The following USP45 variants were observed in gnomAD, a reference collection of about 807,000 sequenced individuals.
The protein encoded by USP45 is ubiquitin specific peptidase 45, also known as ubiquitin carboxyl-terminal hydrolase 45.
USP45 carries 89 observed loss-of-function variants against 95.8 expected under a neutral mutation model. That is an observed-to-expected ratio of 0.93 (90% CI 0.78 to 1.11). The LOEUF is 1.11. Among genes scored for constraint, USP45 ranks in the 50% least tolerant of loss-of-function variants. The pLI is 0.00. For synonymous variants in USP45, 281 were observed against 316.2 expected (o/e 0.89, Z 1.18); for missense variants, 898 against 942.5 (o/e 0.95, Z 0.62).
At chr6:99,484,133 G>C (rs1024491336) in intron 7 of USP45, among the ~76,000 whole-genome samples, 5 of 146,246 alleles carry the variant, frequency 3.4e-5, no homozygotes, top group South Asian at 2.2e-4. Flanking sequence ...ACCACACCCA[G>C]TCAAAATTAC....
intron 14 of USP45, among the ~76,000 whole-genome samples, chr6:99,443,872 AAAG>A (rs1202594628): frequency 2.0e-5 from 3 of 152,212 alleles, no homozygotes; most frequent in Admixed American, 6.5e-5. Flanking sequence ...TAATAAGAAC[AAAG>A]AATAGGAGAG....
chr6:99,512,546 C>A (rs967344375), intron 1 of USP45, among the ~76,000 whole-genome samples: 1 of 152,188 alleles, frequency 6.6e-6, no homozygotes, highest in African/African-American at 2.4e-5. Context: ...CTTTTACTCT[C>A]CTGCCTGGTG....
rs368644594 is a variant in USP45 at position 99,507,398 on chromosome 6, G to C, written c.377+30C>G. On this transcript the variant is annotated intron_variant, in intron 4 of 17. Coordinates refer to ENST00000500704, the MANE Select transcript of USP45 (RefSeq NM_001346022.3). Reference sequence around the variant, plus strand: ...AAAAAATTGGGGGGCTGTGGTTAGTGGACACAAGAACTAACAAAATTTAAC... The same window carrying C: ...AAAAAATTGGGGGGCTGTGGTTAGTCGACACAAGAACTAACAAAATTTAAC... 19 of 1,403,810 alleles carry C rather than the reference G, an allele frequency of 1.4e-5. No individual in the cohort carries two copies. In the African/African-American group the frequency reaches 2.7e-4, roughly 20 times the overall value. 87.0% of individuals were successfully genotyped at this position (1,403,810 alleles called of 1,614,324 possible).
At chr6:99,435,906 A>G in intron 17 of USP45, 60 bp from the exon 18 acceptor site, 1 of 1,495,242 alleles carries the variant, frequency 6.7e-7, no homozygotes, top group East Asian at 2.4e-5. Flanking sequence ...CTTACTCTAA[A>G]TTACAAACAA....
intron 6 of USP45, 24 bp downstream of exon 6, chr6:99,488,657 A>G: frequency 6.3e-7 from 1 of 1,587,796 alleles, no homozygotes; most frequent in Non-Finnish European, 8.5e-7. Context: ...TTTACATATT[A>G]CAAAGCTTTC....
chr6:99,493,505 T>C (rs1323747174), intron 5 of USP45, among the ~76,000 whole-genome samples: 4 of 152,138 alleles, frequency 2.6e-5, no homozygotes, highest in South Asian at 2.1e-4. Context: ...TGTATGTATG[T>C]ATGTATTTTG....
intron 5 of USP45, among the ~76,000 whole-genome samples, chr6:99,494,514 TA>T (rs904034029): frequency 1.4e-4 from 21 of 149,206 alleles, no homozygotes; most frequent in African/African-American, 4.2e-4. Context: ...CTAAGAACTT[TA>T]AAAAAAAAAC....
At chr6:99,483,427 T>C (rs961081665) in intron 7 of USP45, among the ~76,000 whole-genome samples, 2 of 152,180 alleles carry the variant, frequency 1.3e-5, no homozygotes, top group African/African-American at 4.8e-5. Context: ...CATTTAATTC[T>C]AGAATTTTTT....
chr6:99,460,271 A>T (rs1583108343), intron 13 of USP45, among the ~76,000 whole-genome samples: 1 of 152,314 alleles, frequency 6.6e-6, no homozygotes, highest in East Asian at 1.9e-4. Flanking sequence ...AAAAGATGCA[A>T]GGAGCTTCTC....
intron 13 of USP45, among the ~76,000 whole-genome samples, chr6:99,463,135 G>T (rs1341104422): frequency 6.6e-6 from 1 of 151,888 alleles, no homozygotes; most frequent in Admixed American, 6.6e-5. Flanking sequence ...ACAACAGCCA[G>T]GTATGTCCCT....
At chr6:99,461,393 AG>A in intron 13 of USP45, 2 of 985,390 alleles carry the variant, frequency 2.0e-6, no homozygotes, top group Non-Finnish European at 2.4e-6. Flanking sequence ...TGGTTCAAGA[AG>A]GATGTTTATA....
intron 2 of USP45, among the ~76,000 whole-genome samples, chr6:99,509,124 T>C (rs1017135390): frequency 3.3e-5 from 5 of 152,194 alleles, no homozygotes; most frequent in African/African-American, 1.2e-4. Context: ...GGGATGATGT[T>C]TCGATAGCCA....
chr6:99,508,759 T>C lies in USP45; in HGVS notation c.124A>G (p.Ser42Gly). ...ACATGATTCACGCTGATAGCATGAC[T>C]TACATGTTGGCAAGTTAAACCTACT... The part of the protein sequence containing the change: ...IAVGLTCQHV[S>G]HAISVNHVKR... Residue 42 changes from serine to glycine, a missense_variant, in exon 3 of 18, where the codon AGT becomes GGT. Physicochemically the swap from Ser to Gly is moderately conservative, Grantham distance 56. Coordinates refer to ENST00000500704, the MANE Select transcript of USP45 (RefSeq NM_001346022.3). The C allele has an allele frequency of 5.6e-6, 9 of 1,611,400 alleles. No individual in the cohort carries two copies. Among genetic ancestry groups the C allele is most frequent in the Non-Finnish European group, 7.6e-6 (9 of 1,179,270 alleles).
intron 1 of USP45, among the ~76,000 whole-genome samples, chr6:99,511,221 G>A (rs920342403): frequency 2.6e-5 from 4 of 151,432 alleles, no homozygotes; most frequent in Non-Finnish European, 4.4e-5. Flanking sequence ...GATGGATCTC[G>A]GCTCACTGCA....
intron 5 of USP45, among the ~76,000 whole-genome samples, chr6:99,499,730 C>T (rs537942704): frequency 6.6e-6 from 1 of 152,346 alleles, no homozygotes; most frequent in African/African-American, 2.4e-5. Flanking sequence ...TAGTGCTTCC[C>T]ACCACCTGAA....
At chr6:99,488,549 C>T (rs187430706) in intron 6 of USP45, 132 bp downstream of exon 6, 40 of 1,008,136 alleles carry the variant, frequency 4.0e-5, no homozygotes, top group Admixed American at 1.3e-4. Flanking sequence ...CCCAAGATAG[C>T]GTAAACAAAA....
At chr6:99,513,093 A>G (rs1055965260) in intron 1 of USP45, among the ~76,000 whole-genome samples, 1 of 152,218 alleles carries the variant, frequency 6.6e-6, no homozygotes, top group Non-Finnish European at 1.5e-5. Context: ...GGGGTTGCCC[A>G]TGTACAAAGA....
At chr6:99,480,915 C>T (rs754896031) in intron 8 of USP45, among the ~76,000 whole-genome samples, 4 of 151,948 alleles carry the variant, frequency 2.6e-5, no homozygotes, top group East Asian at 1.9e-4. Flanking sequence ...TAAAAGTAAA[C>T]GCCATAAAAC....
rs369963639 is a variant in USP45, at chr6:99,475,281, C to T, written c.933+862G>A. Reference sequence around the variant, plus strand: ...CTTTCCTGTTCCTATATCCCCCTATCGCCCAGGAATAATATCTCCCTGCAT... The same window carrying T: ...CTTTCCTGTTCCTATATCCCCCTATTGCCCAGGAATAATATCTCCCTGCAT... On this transcript the variant is annotated intron_variant, in intron 9 of 17. Transcript: ENST00000500704. 6.6e-4 allele frequency among the ~76,000 whole-genome samples: 99 copies of T among 150,036 alleles called. 1 individual carries two copies. The highest frequency in any genetic ancestry group is 2.3e-3 in the African/African-American group (92 of 40,856).
Sources: allele counts gnomAD v4.1 joint callset (sites outside exome capture counted in the v4.1 genomes callset), GRCh38; gene constraint gnomAD v4.1.1; transcripts MANE v1.5; gene names NCBI Gene and HGNC (gene_info 2026-07-23, HGNC 2026-07-21).